KLHL22: variants seen among roughly 807,000 people sequenced by gnomAD.
KLHL22 encodes kelch like family member 22, also known as kelch-like protein 22.
A neutral mutation model predicts 60.7 loss-of-function variants in KLHL22; 18 were observed. That is an observed-to-expected ratio of 0.30 (90% CI 0.20 to 0.44). KLHL22 has a LOEUF of 0.44. KLHL22 is among the 20% of genes least tolerant of loss of function. The pLI is 1.00. For missense variants in KLHL22, 596 were observed against 852.3 expected, an observed-to-expected ratio of 0.70 and a Z score of 3.74; for synonymous variants, 355 against 354.5, an observed-to-expected ratio of 1.00 and a Z score of -0.01.
chr22:20,482,967 A>G, intron 2 of KLHL22: 1 of 765,938 alleles, frequency 1.3e-6, no homozygotes, highest in Non-Finnish European at 2.3e-6. Flanking sequence ...AGCAGGCGGC[A>G]GTAGGTGGTG....
At chr22:20,461,414 G>A (rs553510344) in intron 4 of KLHL22, among the ~76,000 whole-genome samples, 156 of 151,924 alleles carry the variant, frequency 1.0e-3, no homozygotes, top group African/African-American at 3.5e-3. Flanking sequence ...TTAGCCAGGC[G>A]TGGTGGTGGG....
chr22:20,493,279 C>T lies in KLHL22; in HGVS notation c.-34+2481G>A. On this transcript the variant is annotated intron_variant, in intron 1 of 6. Coordinates refer to ENST00000328879, the MANE Select transcript of KLHL22 (RefSeq NM_032775.4). ...TCCATGGGCAGGCAAAGCACATTTA[C>T]CAAGTCCAATTTAAGAAACTTAGCT... The T allele has an allele frequency of 1.3e-5, 6 of 468,152 alleles. No homozygotes were observed. In the Admixed American group the frequency reaches 1.4e-4, roughly 11 times the overall value. The allele number at this position is 468,152 out of a possible 1,614,324, so 29.0% of individuals were successfully genotyped here. A position where few individuals can be genotyped will look rare whatever the true frequency, so the allele number is the denominator to read the frequency against.
chr22:20,473,282 T>C (rs1306884678), intron 2 of KLHL22, among the ~76,000 whole-genome samples: 1 of 152,090 alleles, frequency 6.6e-6, no homozygotes, highest in Admixed American at 6.5e-5. Flanking sequence ...GAGAACCTAC[T>C]GACAGACTGA....
intron 3 of KLHL22, among the ~76,000 whole-genome samples, chr22:20,466,289 G>T (rs184826748): frequency 6.7e-5 from 10 of 149,612 alleles, no homozygotes; most frequent in African/African-American, 2.2e-4. Flanking sequence ...CAGGAGAATC[G>T]CTGGAACCCA....
At chr22:20,447,501 T>A (rs2052887943) in intron 5 of KLHL22, among the ~76,000 whole-genome samples, 1 of 151,684 alleles carries the variant, frequency 6.6e-6, no homozygotes. Context: ...AGGGTTTGGT[T>A]TGGGTCTTCT....
At chr22:20,490,834 A>G (rs1601396618) in intron 1 of KLHL22, among the ~76,000 whole-genome samples, 1 of 151,818 alleles carries the variant, frequency 6.6e-6, no homozygotes, top group Admixed American at 6.6e-5. Context: ...ATCACCCTCC[A>G]CTCACCTCCT....
intron 2 of KLHL22, among the ~76,000 whole-genome samples, chr22:20,480,245 T>C (rs1166891975): frequency 6.6e-6 from 1 of 152,188 alleles, no homozygotes; most frequent in Non-Finnish European, 1.5e-5. Context: ...GTTTCAGATT[T>C]GTAAGATAAA....
chr22:20,455,334 G>C (rs186920614), intron 5 of KLHL22, among the ~76,000 whole-genome samples: 1 of 152,184 alleles, frequency 6.6e-6, no homozygotes, highest in East Asian at 1.9e-4. Context: ...CCCAGACCAC[G>C]CAATGACCCA....
chr22:20,474,980 G>A (rs1463334537), intron 2 of KLHL22, among the ~76,000 whole-genome samples: 1 of 152,016 alleles, frequency 6.6e-6, no homozygotes, highest in East Asian at 1.9e-4. Flanking sequence ...ACCACAAAAG[G>A]GAAAAACCTT....
At chr22:20,490,450 T>C (rs1485530165) in intron 1 of KLHL22, among the ~76,000 whole-genome samples, 1 of 152,118 alleles carries the variant, frequency 6.6e-6, no homozygotes, top group Non-Finnish European at 1.5e-5. Context: ...AAACACACTG[T>C]TTTTCCTCTC....
At chr22:20,479,513 G>A (rs1006954899) in intron 2 of KLHL22, among the ~76,000 whole-genome samples, 2 of 151,894 alleles carry the variant, frequency 1.3e-5, no homozygotes, top group African/African-American at 4.8e-5. Context: ...ACCAGCCTGG[G>A]AAACATAGTA....
intron 1 of KLHL22, among the ~76,000 whole-genome samples, chr22:20,494,902 G>A (rs532149101): frequency 1.8e-4 from 27 of 152,322 alleles, no homozygotes; most frequent in African/African-American, 6.5e-4. Context: ...GCCTTCTGTA[G>A]GGCCCCCGAA....
chr22:20,470,185 T>A (rs111231841), intron 3 of KLHL22, among the ~76,000 whole-genome samples: 6,339 of 138,024 alleles, frequency 0.046, 170 homozygotes, highest in Middle Eastern at 0.051. Context: ...TAAAAAAATA[T>A]ATATATATAT....
intron 5 of KLHL22, among the ~76,000 whole-genome samples, chr22:20,451,978 T>TC (rs1275664369): frequency 5.3e-5 from 8 of 151,864 alleles, no homozygotes; most frequent in Non-Finnish European, 1.5e-5. Context: ...TGACACATAC[T>TC]CCCCCTCGTC....
chr22:20,461,974 G>A lies in KLHL22; in HGVS notation c.1112+2884C>T, dbSNP rs552232577. Among the ~76,000 whole-genome samples the A allele has an allele frequency of 1.5e-4, 23 of 151,778 alleles. No homozygotes were observed. In the South Asian group the frequency reaches 2.7e-3, roughly 18 times the overall value. On this transcript the variant is annotated intron_variant, in intron 4 of 6. Coordinates refer to ENST00000328879, the MANE Select transcript of KLHL22 (RefSeq NM_032775.4). ...TTAGCCAGGCATGGTGGCGTACACC[G>A]GTAATCTCAGCCACTCGGGAGGCTG...
intron 4 of KLHL22, among the ~76,000 whole-genome samples, chr22:20,462,350 T>C (rs2053169686): frequency 6.6e-6 from 1 of 151,772 alleles, no homozygotes; most frequent in Non-Finnish European, 1.5e-5. Flanking sequence ...AAAATTACAT[T>C]ATTATTTAAA....
rs1440155905 is a variant in KLHL22 at position 20,442,422 on chromosome 22, C to T, written c.1556G>A (p.Cys519Tyr). Residue 519 changes from cysteine (C) to tyrosine (Y), a missense_variant, in exon 7 of 7, where the codon TGC becomes TAC. Cys to Tyr is a radical substitution (Grantham distance 194, BLOSUM62 -2). Transcript: ENST00000328879. ...RDVHQVACYS[C>Y]TSGQWSSVCP... ...GACAGATGACCACTGTCCAGACGTG[C>T]AGCTGTAGCAGGCCACCTGCAAAGC... The T allele has an allele frequency of 1.3e-6, 2 of 1,593,488 alleles. No homozygotes were observed. Among genetic ancestry groups the T allele is most frequent in the Non-Finnish European group, 1.7e-6 (2 of 1,167,390 alleles).
At chr22:20,447,948 A>G (rs1281609962) in intron 5 of KLHL22, among the ~76,000 whole-genome samples, 1 of 152,150 alleles carries the variant, frequency 6.6e-6, no homozygotes, top group Non-Finnish European at 1.5e-5. Flanking sequence ...CCATGGTAGG[A>G]GCCTGTGTCA....
chr22:20,446,372 C>T (rs2052860766), intron 6 of KLHL22, 71 bp downstream of exon 6: 4 of 899,386 alleles, frequency 4.4e-6, no homozygotes, highest in Middle Eastern at 2.1e-4. Flanking sequence ...GATTCAATTA[C>T]ATTTTCCATC....
Sources: allele counts gnomAD v4.1 joint callset (sites outside exome capture counted in the v4.1 genomes callset), GRCh38; gene constraint gnomAD v4.1.1; transcripts MANE v1.5; gene names NCBI Gene and HGNC (gene_info 2026-07-23, HGNC 2026-07-21).